CSPP1: variants seen among roughly 807,000 people sequenced by gnomAD.
CSPP1 encodes centrosome and spindle pole-associated protein 1.
In CSPP1, 126 loss-of-function variants were observed where a neutral mutation model predicts 164.4. The ratio of observed to expected loss-of-function variants is 0.77; its 90% CI spans 0.66 to 0.89. CSPP1 has a LOEUF of 0.89. CSPP1 is among the 40% of genes least tolerant of loss of function. The probability of loss-of-function intolerance (pLI) is 0.00; values close to 1 mark genes in which losing one functional copy is unlikely to be tolerated. For synonymous variants in CSPP1, 472 were observed against 476.7 expected (o/e 0.99, Z 0.13); for missense variants, 1,395 against 1,449.8 (o/e 0.96, Z 0.61).
At chr8:67,184,744 TATAATAATA>T (rs377423199) in intron 28 of CSPP1, among the ~76,000 whole-genome samples, 1 of 142,498 alleles carries the variant, frequency 7.0e-6, no homozygotes, top group African/African-American at 2.6e-5. Context: ...AATAAAAAAA[TATAATAATA>T]ATAATAATAA....
chr8:67,105,852 T>G (rs1174376870), intron 8 of CSPP1, 53 bp from the exon 9 acceptor site: 6 of 1,059,898 alleles, frequency 5.7e-6, no homozygotes, highest in Non-Finnish European at 7.3e-6. Context: ...TTTTGCTTCC[T>G]GAAAATTATC....
chr8:67,093,508 G>C, intron 5 of CSPP1, 35 bp from the exon 6 acceptor site: 2 of 1,381,414 alleles, frequency 1.4e-6, no homozygotes, highest in African/African-American at 2.9e-5. Context: ...TCCTGAAGTT[G>C]AATTTTAACA....
At chr8:67,171,202 C>T (rs957249225) in intron 24 of CSPP1, among the ~76,000 whole-genome samples, 6 of 150,976 alleles carry the variant, frequency 4.0e-5, no homozygotes, top group Admixed American at 1.3e-4. Context: ...AGATAGAGAC[C>T]GTCCTGGCCA....
chr8:67,153,748 GTTGT>G (rs1209219763), intron 18 of CSPP1, among the ~76,000 whole-genome samples: 2 of 151,854 alleles, frequency 1.3e-5, no homozygotes, highest in Non-Finnish European at 2.9e-5. Context: ...TGCAATGAGG[GTTGT>G]TTAAGCTGTT....
At chr8:67,082,573 CTT>C (rs1403537282) in intron 3 of CSPP1, among the ~76,000 whole-genome samples, 1 of 151,912 alleles carries the variant, frequency 6.6e-6, no homozygotes, top group Non-Finnish European at 1.5e-5. Flanking sequence ...TATAATTTGT[CTT>C]TTGATTATTT....
In CSPP1 at chr8:67,168,528, TTGAA is replaced by T. The variant is rs1158057195; in HGVS notation, c.2829-3887_2829-3884del. ...GTGAAGAATAAATAAATGTATGTAT[TTGAA>T]ATAAATAAATAAATATATGTATTTG... On this transcript the variant is annotated intron_variant, in intron 24 of 30. Coordinates refer to ENST00000678616, the MANE Select transcript of CSPP1 (RefSeq NM_001382391.1). 3.9e-5 allele frequency among the ~76,000 whole-genome samples: 6 copies of T among 152,324 alleles called. No homozygotes were observed. In the South Asian group the frequency reaches 1.2e-3, roughly 32 times the overall value.
rs1247737588 is a variant in CSPP1, at chr8:67,172,427, G to C, written c.2840G>C (p.Arg947Thr). Reference sequence around the variant, plus strand: ...TCATTTATCTATAGGAAAAAGGAAAGGAATCCCATGGATATATTTGATATG... The same window carrying C: ...TCATTTATCTATAGGAAAAAGGAAACGAATCCCATGGATATATTTGATATG... ...DDEIPIRKKERNPMDIFDMAR... is the reference protein window; with the variant it reads ...DDEIPIRKKETNPMDIFDMAR... Residue 947 changes from arginine (R) to threonine (T), a missense_variant, in exon 25 of 31, where the codon AGG becomes ACG. Transcript: ENST00000678616. 1 of 1,611,864 alleles carries C rather than the reference G, an allele frequency of 6.2e-7. No homozygotes were observed. The highest frequency in any genetic ancestry group is 8.5e-7 in the Non-Finnish European group (1 of 1,178,480).
In CSPP1 at chr8:67,195,841, G is replaced by T; in HGVS notation, c.*248G>T. The T allele has an allele frequency of 2.3e-6, 1 of 444,150 alleles. No individual in the cohort carries two copies. Among genetic ancestry groups the T allele is most frequent in the Non-Finnish European group, 4.1e-6 (1 of 245,284 alleles). The allele number at this position is 444,150 out of a possible 1,614,324, so 27.5% of individuals were successfully genotyped here. ...TCATAAATTAGGGTGGTAATGAACT[G>T]GATTGAACTACTATATGTGCATTAT... is the stretch of plus-strand genomic sequence containing the variant. On this transcript the variant is annotated 3_prime_UTR_variant, in exon 31 of 31. Transcript: ENST00000678616.
chr8:67,094,837 A>G (rs1204894329), intron 6 of CSPP1, among the ~76,000 whole-genome samples: 1 of 152,142 alleles, frequency 6.6e-6, no homozygotes, highest in African/African-American at 2.4e-5. Context: ...TCCTCCACTC[A>G]TTCCCATACT....
At chr8:67,065,829 A>C (rs150971140) in intron 1 of CSPP1, among the ~76,000 whole-genome samples, 382 of 152,198 alleles carry the variant, frequency 2.5e-3, no homozygotes, top group Non-Finnish European at 3.6e-3. Context: ...GTGCCCGTTC[A>C]AGTTTGGGTC....
At chr8:67,172,605 T>C in intron 25 of CSPP1, 50 bp downstream of exon 25, 2 of 1,462,888 alleles carry the variant, frequency 1.4e-6, no homozygotes, top group Non-Finnish European at 1.9e-6. Context: ...GTTCTACCCA[T>C]ATTTAAATAT....
chr8:67,091,393 A>G (rs2129544657), intron 4 of CSPP1, among the ~76,000 whole-genome samples: 1 of 152,354 alleles, frequency 6.6e-6, no homozygotes, highest in East Asian at 1.9e-4. Context: ...GAAAAATAGA[A>G]AAAAAACTTG....
intron 7 of CSPP1, among the ~76,000 whole-genome samples, chr8:67,096,299 G>T (rs1243826996): frequency 2.6e-5 from 4 of 152,220 alleles, no homozygotes; most frequent in Admixed American, 2.6e-4. Context: ...AGGCATGGTG[G>T]CTCATGCCTG....
rs188102916 is a variant in CSPP1, at chr8:67,168,707, A to G, written c.2829-3709A>G. ...TTGGTTCTTTATTGCAATTTCATGAATATATGTACAAAAGGAATCTTGTAT... is the reference window on the plus strand; with the variant it reads ...TTGGTTCTTTATTGCAATTTCATGAGTATATGTACAAAAGGAATCTTGTAT... On this transcript the variant is annotated intron_variant, in intron 24 of 30. Coordinates refer to ENST00000678616, the MANE Select transcript of CSPP1 (RefSeq NM_001382391.1). Among the ~76,000 whole-genome samples, 219 of 152,344 alleles carry G rather than the reference A, an allele frequency of 1.4e-3. 3 individuals are homozygous for G. The highest frequency in any genetic ancestry group is 0.012 in the Admixed American group (184 of 15,302).
chr8:67,124,272 A>G (rs1270829263), intron 15 of CSPP1, among the ~76,000 whole-genome samples: 1 of 151,934 alleles, frequency 6.6e-6, no homozygotes, highest in East Asian at 1.9e-4. Flanking sequence ...CATAATTTTG[A>G]GTTTTTTTGT....
chr8:67,133,082 T>C (rs563198477), intron 16 of CSPP1, among the ~76,000 whole-genome samples: 147 of 152,376 alleles, frequency 9.6e-4, no homozygotes, highest in African/African-American at 3.2e-3. Context: ...AATCTGTTTT[T>C]GCATGAGCAT....
chr8:67,132,149 G>C (rs1821356456), intron 16 of CSPP1, 69 bp downstream of exon 16: 2 of 1,446,778 alleles, frequency 1.4e-6, no homozygotes, highest in South Asian at 2.8e-5. Flanking sequence ...TTAGAGCTCA[G>C]AGTGTGGCCG....
At chr8:67,114,070 A>AT (rs1351876323) in intron 11 of CSPP1, 7 of 404,340 alleles carry the variant, frequency 1.7e-5, no homozygotes, top group Non-Finnish European at 3.1e-5. Flanking sequence ...TTTGTGTGTC[A>AT]TTTTTTTAAA....
chr8:67,095,152 G>GTA (rs1042727799), intron 6 of CSPP1, 141 bp from the exon 7 acceptor site: 64 of 464,756 alleles, frequency 1.4e-4, no homozygotes, highest in African/African-American at 6.2e-4. Flanking sequence ...ATGTAAAAAC[G>GTA]TATATATATA....
Sources: allele counts gnomAD v4.1 joint callset (sites outside exome capture counted in the v4.1 genomes callset), GRCh38; gene constraint gnomAD v4.1.1; transcripts MANE v1.5; gene names NCBI Gene and HGNC (gene_info 2026-07-23, HGNC 2026-07-21).